The following PRELID2 variants were observed in gnomAD, a reference collection of about 807,000 sequenced individuals.
PRELID2 encodes PRELI domain-containing protein 2.
PRELID2 carries 25 observed loss-of-function variants against 28.4 expected under a neutral mutation model. That is an observed-to-expected ratio of 0.88 (90% CI 0.64 to 1.23). The LOEUF is 1.23. PRELID2 is among the 50% of genes most tolerant of loss of function. PRELID2 has a pLI of 0.00. For synonymous variants in PRELID2, 76 were observed against 71.6 expected (o/e 1.06, Z -0.31); for missense variants, 201 against 214.4 (o/e 0.94, Z 0.39).
the PRELID2 span, among the ~76,000 whole-genome samples, chr5:145,371,886 T>A: frequency 0.36 from 51,059 of 141,258 alleles, 9,693 homozygotes; most frequent in East Asian, 0.73. Flanking sequence ...TTTGTTAATT[T>A]AAAAAAAAAA....
intron 1 of PRELID2, among the ~76,000 whole-genome samples, chr5:145,660,614 C>A (rs1013402105): frequency 6.6e-6 from 1 of 152,152 alleles, no homozygotes; most frequent in Non-Finnish European, 1.5e-5. Flanking sequence ...GACGCCAGAA[C>A]AAGCATCAGG....
At chr5:145,378,821 G>A in the PRELID2 span, among the ~76,000 whole-genome samples, 1 of 152,120 alleles carries the variant, frequency 6.6e-6, no homozygotes, top group African/African-American at 2.4e-5. Context: ...CAGAACCCTT[G>A]CTAGAGAGGT....
At chr5:145,523,955 C>G (rs1414369037) in intron 1 of PRELID2, among the ~76,000 whole-genome samples, 1 of 152,094 alleles carries the variant, frequency 6.6e-6, no homozygotes, top group Non-Finnish European at 1.5e-5. Context: ...GTGTATATGC[C>G]TAGAAGGAGA....
At chr5:145,771,845 G>A (rs1052434794) in intron 5 of PRELID2, among the ~76,000 whole-genome samples, 2 of 151,912 alleles carry the variant, frequency 1.3e-5, no homozygotes, top group African/African-American at 4.8e-5. Flanking sequence ...ATAAGAGCAA[G>A]ACTCCATCTC....
chr5:145,319,410 T>A, the PRELID2 span, among the ~76,000 whole-genome samples: 1 of 152,258 alleles, frequency 6.6e-6, no homozygotes, highest in Middle Eastern at 3.4e-3. Flanking sequence ...GGCTCATGCG[T>A]GTAATCCCAA....
At chr5:145,648,276 A>G (rs1168361671) in intron 1 of PRELID2, among the ~76,000 whole-genome samples, 2 of 152,310 alleles carry the variant, frequency 1.3e-5, no homozygotes, top group Non-Finnish European at 2.9e-5. Context: ...AAATGCTGGA[A>G]GTTTTTAAAG....
intron 1 of PRELID2, among the ~76,000 whole-genome samples, chr5:145,724,114 T>C (rs921572522): frequency 1.3e-5 from 2 of 152,116 alleles, no homozygotes; most frequent in Non-Finnish European, 2.9e-5. Flanking sequence ...ATTTCAAACA[T>C]GTCTATGTAA....
intron 1 of PRELID2, among the ~76,000 whole-genome samples, chr5:145,748,477 A>G (rs894314935): frequency 5.3e-5 from 8 of 152,214 alleles, no homozygotes; most frequent in Non-Finnish European, 1.0e-4. Flanking sequence ...ATAAAAGAGG[A>G]CACAAACAAA....
chr5:145,358,313 C>T, the PRELID2 span, among the ~76,000 whole-genome samples: 1 of 151,934 alleles, frequency 6.6e-6, no homozygotes, highest in East Asian at 1.9e-4. Flanking sequence ...GTTTCTGGTG[C>T]AACAGAAAGC....
chr5:145,684,084 C>T (rs1278403982), intron 1 of PRELID2, among the ~76,000 whole-genome samples: 1 of 151,958 alleles, frequency 6.6e-6, no homozygotes, highest in Non-Finnish European at 1.5e-5. Flanking sequence ...TTTAGAGCTA[C>T]CTTGTGAAAA....
At chr5:145,614,438 T>C (rs1753665781) in intron 1 of PRELID2, among the ~76,000 whole-genome samples, 1 of 152,278 alleles carries the variant, frequency 6.6e-6, no homozygotes, top group Non-Finnish European at 1.5e-5. Flanking sequence ...GTATTGATTC[T>C]ACCCATCCAT....
At chr5:145,264,993 A>AT in the PRELID2 span, among the ~76,000 whole-genome samples, 2 of 148,108 alleles carry the variant, frequency 1.4e-5, no homozygotes, top group Admixed American at 6.7e-5. Flanking sequence ...AAAAAAAAAA[A>AT]AGGTAAAGAG....
intron 1 of PRELID2, among the ~76,000 whole-genome samples, chr5:145,672,687 A>C (rs1200887439): frequency 6.6e-6 from 1 of 152,130 alleles, no homozygotes; most frequent in Non-Finnish European, 1.5e-5. Flanking sequence ...TAACAACTTC[A>C]TTGGCTTCTA....
chr5:145,374,897 G>T, the PRELID2 span, among the ~76,000 whole-genome samples: 1 of 151,996 alleles, frequency 6.6e-6, no homozygotes, highest in African/African-American at 2.4e-5. Flanking sequence ...TTTTATTAAG[G>T]TTCTTAGCTT....
the PRELID2 span, among the ~76,000 whole-genome samples, chr5:145,254,577 T>C: frequency 6.6e-6 from 1 of 151,956 alleles, no homozygotes; most frequent in Non-Finnish European, 1.5e-5. Flanking sequence ...GCAAGAGAAC[T>C]GAGAGAAACC....
intron 1 of PRELID2, among the ~76,000 whole-genome samples, chr5:145,621,058 G>T (rs1054352614): frequency 1.3e-5 from 2 of 152,048 alleles, no homozygotes; most frequent in African/African-American, 2.4e-5. Flanking sequence ...ATTGTATCCA[G>T]AATATGTAAA....
the PRELID2 span, among the ~76,000 whole-genome samples, chr5:145,341,903 T>C: frequency 6.6e-6 from 1 of 152,152 alleles, no homozygotes; most frequent in Admixed American, 6.5e-5. Context: ...TACAGGTGGC[T>C]CAGCAATCCC....
At chr5:145,656,701 A>T (rs1419338202) in intron 1 of PRELID2, among the ~76,000 whole-genome samples, 1 of 145,808 alleles carries the variant, frequency 6.9e-6, no homozygotes, top group East Asian at 2.1e-4. Flanking sequence ...AAATTGAACA[A>T]TGAGAACACT....
the PRELID2 span, among the ~76,000 whole-genome samples, chr5:145,376,430 T>A: frequency 6.6e-6 from 1 of 151,670 alleles, no homozygotes; most frequent in Non-Finnish European, 1.5e-5. Context: ...TGGGGAGGAG[T>A]CCCTTCTCCT....
Sources: allele counts gnomAD v4.1 joint callset (sites outside exome capture counted in the v4.1 genomes callset), GRCh38; gene constraint gnomAD v4.1.1; transcripts MANE v1.5; gene names NCBI Gene and HGNC (gene_info 2026-07-23, HGNC 2026-07-21).